Variants in EPHB2 observed in about 807,000 individuals in gnomAD.
The protein encoded by EPHB2 is EPH receptor B2.
Under a neutral mutation model 96.4 loss-of-function variants are expected in EPHB2, and 18 were observed. The ratio of observed to expected loss-of-function variants is 0.19; its 90% CI spans 0.13 to 0.28. The LOEUF (loss-of-function observed/expected upper bound fraction) is 0.28, where lower values mean the gene tolerates loss of function less well. Ranked by LOEUF, EPHB2 falls within the 10% of genes least tolerant of loss-of-function variation. EPHB2 has a pLI of 1.00. For missense variants in EPHB2, 989 were observed against 1,355.4 expected, an observed-to-expected ratio of 0.73 and a Z score of 4.25; for synonymous variants, 506 against 534.1, an observed-to-expected ratio of 0.95 and a Z score of 0.72.
At chr1:22,814,668 G>A (rs914005707) in intron 3 of EPHB2, among the ~76,000 whole-genome samples, 6 of 152,216 alleles carry the variant, frequency 3.9e-5, no homozygotes, top group Non-Finnish European at 7.3e-5. Flanking sequence ...AAAGCCAACC[G>A]CAGCTGAGGT....
chr1:22,755,173 C>T (rs4655097), intron 1 of EPHB2, among the ~76,000 whole-genome samples: 1 of 152,078 alleles, frequency 6.6e-6, no homozygotes, highest in Non-Finnish European at 1.5e-5. Context: ...TCAGTTTATG[C>T]CGTCCTAGAA....
chr1:22,750,685 A>G (rs1201063893), intron 1 of EPHB2, among the ~76,000 whole-genome samples: 1 of 152,258 alleles, frequency 6.6e-6, no homozygotes, highest in Non-Finnish European at 1.5e-5. Flanking sequence ...CCAGGACATC[A>G]TCTTGTTTTC....
At position 22,909,063 on chromosome 1, in the gene EPHB2, C is replaced by T; in HGVS notation, c.2394C>T (p.Ile798=). Residue 798 remains isoleucine (I), a synonymous_variant, in exon 13 of 16, where the codon ATC becomes ATT. Coordinates refer to ENST00000374630, the MANE Select transcript of EPHB2 (RefSeq NM_017449.5). ...IPIRWTAPEA[I]QYRKFTSASD... ...TCCGCTGGACAGCCCCGGAAGCCATCCAGTACCGGAAGTTCACCTCGGCCA... is the reference window on the plus strand; with the variant it reads ...TCCGCTGGACAGCCCCGGAAGCCATTCAGTACCGGAAGTTCACCTCGGCCA... 6.2e-7 allele frequency: 1 copy of T among 1,614,212 alleles called. No individual in the cohort carries two copies. The highest frequency in any genetic ancestry group is 8.5e-7 in the Non-Finnish European group (1 of 1,180,040).
intron 1 of EPHB2, among the ~76,000 whole-genome samples, chr1:22,756,115 G>A (rs971098467): frequency 6.6e-6 from 1 of 152,182 alleles, no homozygotes; most frequent in Non-Finnish European, 1.5e-5. Flanking sequence ...TTCTGGGGCG[G>A]GGATGGGCTG....
intron 3 of EPHB2, among the ~76,000 whole-genome samples, chr1:22,859,983 G>A (rs1187671891): frequency 1.3e-5 from 2 of 152,090 alleles, no homozygotes; most frequent in Non-Finnish European, 2.9e-5. Context: ...TGTCTCTTTC[G>A]ATGTGCCTGT....
rs1643687425 is a variant in EPHB2, at chr1:22,730,623, GA to G, written c.61+19581del. Reference sequence around the variant, plus strand: ...GAGCAGAGGCCAGAAGGAAGCAAGAGAGGGGGTTCAGGGATATCTGGGGGAG... The same window carrying G: ...GAGCAGAGGCCAGAAGGAAGCAAGAGGGGGGTTCAGGGATATCTGGGGGAG... On this transcript the variant is annotated intron_variant, in intron 1 of 15. Coordinates refer to ENST00000374630, the MANE Select transcript of EPHB2 (RefSeq NM_017449.5). 2.0e-5 allele frequency among the ~76,000 whole-genome samples: 3 copies of G among 152,076 alleles called. No homozygotes were observed. The East Asian group carries it at 5.8e-4, about 29-fold the overall frequency.
At chr1:22,889,250 CCTCA>C (rs1639319447) in intron 6 of EPHB2, among the ~76,000 whole-genome samples, 1 of 152,152 alleles carries the variant, frequency 6.6e-6, no homozygotes, top group African/African-American at 2.4e-5. Flanking sequence ...CAGGTTGGTT[CCTCA>C]CTCTCATGAG....
chr1:22,903,782 C>T (rs959495003), intron 9 of EPHB2, among the ~76,000 whole-genome samples: 9 of 152,170 alleles, frequency 5.9e-5, no homozygotes, highest in African/African-American at 1.7e-4. Flanking sequence ...GCCCTATAGA[C>T]ATTGAGTGTC....
At chr1:22,801,241 G>A (rs1473614605) in intron 3 of EPHB2, among the ~76,000 whole-genome samples, 46 of 152,178 alleles carry the variant, frequency 3.0e-4, no homozygotes, top group South Asian at 2.1e-4. Context: ...CGGCTGTTAC[G>A]TTTACGAAGC....
chr1:22,805,182 T>A (rs558149400), intron 3 of EPHB2, among the ~76,000 whole-genome samples: 2 of 151,944 alleles, frequency 1.3e-5, no homozygotes, highest in Non-Finnish European at 2.9e-5. Context: ...CAGACATCTG[T>A]CAAATCCATG....
intron 6 of EPHB2, among the ~76,000 whole-genome samples, chr1:22,885,027 T>C (rs1449081205): frequency 6.6e-6 from 1 of 152,094 alleles, no homozygotes; most frequent in Non-Finnish European, 1.5e-5. Flanking sequence ...GTTTGTTGGA[T>C]GACTCAGGAA....
intron 3 of EPHB2, among the ~76,000 whole-genome samples, chr1:22,822,329 T>TA (rs11351118): frequency 9.4e-5 from 14 of 148,224 alleles, no homozygotes; most frequent in East Asian, 7.9e-4. Flanking sequence ...TTTTTTAATT[T>TA]AAAAAAAAAA....
intron 3 of EPHB2, among the ~76,000 whole-genome samples, chr1:22,840,600 A>G (rs940679158): frequency 6.6e-6 from 1 of 152,136 alleles, no homozygotes; most frequent in Non-Finnish European, 1.5e-5. Flanking sequence ...AGCTGTGATT[A>G]CAGGCACACA....
intron 1 of EPHB2, among the ~76,000 whole-genome samples, chr1:22,756,786 A>G (rs1238346883): frequency 1.3e-5 from 2 of 152,134 alleles, no homozygotes; most frequent in Non-Finnish European, 2.9e-5. Flanking sequence ...GAGAGAGGCT[A>G]CAGGCAAGAA....
At chr1:22,866,765 C>A (rs1490014331) in intron 5 of EPHB2, among the ~76,000 whole-genome samples, 1 of 152,058 alleles carries the variant, frequency 6.6e-6, no homozygotes, top group Non-Finnish European at 1.5e-5. Context: ...GAAGCCCCAT[C>A]TCTATTAAAA....
chr1:22,869,926 A>G (rs1469966723), intron 5 of EPHB2, among the ~76,000 whole-genome samples: 1 of 152,030 alleles, frequency 6.6e-6, no homozygotes, highest in African/African-American at 2.4e-5. Flanking sequence ...TTTCCTCACC[A>G]TGGTTTTCCC....
At chr1:22,718,210 G>A (rs575427565) in intron 1 of EPHB2, among the ~76,000 whole-genome samples, 99 of 152,018 alleles carry the variant, frequency 6.5e-4, no homozygotes, top group African/African-American at 2.3e-3. Context: ...CCTCCAGCCT[G>A]CCCACTCAGG....
chr1:22,728,154 T>C (rs1279917189), intron 1 of EPHB2, among the ~76,000 whole-genome samples: 1 of 149,398 alleles, frequency 6.7e-6, no homozygotes, highest in Admixed American at 6.6e-5. Flanking sequence ...AAGGCAGGGA[T>C]TTTTTTATCT....
intron 6 of EPHB2, among the ~76,000 whole-genome samples, chr1:22,887,877 A>T (rs1206366028): frequency 1.3e-5 from 2 of 152,142 alleles, no homozygotes; most frequent in Non-Finnish European, 2.9e-5. Flanking sequence ...TGGGGGGTGA[A>T]ACTATGAAAG....
Sources: allele counts gnomAD v4.1 joint callset (sites outside exome capture counted in the v4.1 genomes callset), GRCh38; gene constraint gnomAD v4.1.1; transcripts MANE v1.5; gene names NCBI Gene and HGNC (gene_info 2026-07-23, HGNC 2026-07-21).